PPFIA4: variants seen among roughly 807,000 people sequenced by gnomAD.
The protein encoded by PPFIA4 is liprin-alpha-4.
Under a neutral mutation model 145.7 loss-of-function variants are expected in PPFIA4, and 98 were observed. That is an observed-to-expected ratio of 0.67 (90% CI 0.57 to 0.80). The LOEUF is 0.80. Among genes scored for constraint, PPFIA4 ranks in the 30% least tolerant of loss-of-function variants. PPFIA4 has a pLI of 0.00. For missense variants in PPFIA4, 1,457 were observed against 1,632.7 expected (o/e 0.89, Z 1.85); for synonymous variants, 628 against 649.6 (o/e 0.97, Z 0.51).
Position 203,048,180 on chromosome 1 carries a change from GGAA to G in PPFIA4, c.1141-43_1141-41del. 6.3e-7 allele frequency: 1 copy of G among 1,590,532 alleles called. No individual in the cohort carries two copies. Among genetic ancestry groups the G allele is most frequent in the African/African-American group, 1.3e-5 (1 of 74,542 alleles). The stretch of plus-strand genomic sequence containing the variant: ...GTGCAGGGGATGCGGGGCCTGAGCA[GGAA>G]GAACAGAGATCTGCGGGCTGCACCG... On this transcript the variant is annotated intron_variant, in intron 9 of 29. Transcript: ENST00000295706. The surrounding 1 kb of genome is among the most constrained non-coding windows in gnomAD (Gnocchi z 5.8).
chr1:203,028,858 G>A (rs1247958887), intron 1 of PPFIA4, among the ~76,000 whole-genome samples: 3 of 152,070 alleles, frequency 2.0e-5, no homozygotes, highest in African/African-American at 7.3e-5. Context: ...GTCCCCCTCT[G>A]GCCTGCTAGC....
rs202161204 is a variant in PPFIA4, at chr1:203,075,491, C to CAGCAGCG, written c.3394-84_3394-78dup. ...GGGGTGGGAGTGGTGCCCCTTGAAC[C>CAGCAGCG]AGCAGCGACTGGCCCCCTCCAGGCA... On this transcript the variant is annotated intron_variant, in intron 28 of 29. Coordinates refer to ENST00000295706, the MANE Select transcript of PPFIA4 (RefSeq NM_001304331.2). This position sits in a 1 kb window ranked among gnomAD's most constrained non-coding sequence, Gnocchi z 4.1. 3,495 of 1,176,768 alleles carry CAGCAGCG rather than the reference C, an allele frequency of 3.0e-3. 116 individuals carry two copies. In the Admixed American group the frequency reaches 0.074, roughly 25 times the overall value. The allele number at this position is 1,176,768 out of a possible 1,614,324, so 72.9% of individuals were successfully genotyped here.
At chr1:203,047,769 C>CAAA in intron 9 of PPFIA4, among the ~76,000 whole-genome samples, 1 of 152,208 alleles carries the variant, frequency 6.6e-6, no homozygotes, top group Middle Eastern at 3.4e-3. Flanking sequence ...GTTGTGGAAA[C>CAAA]GAAGGCACAT....
intron 1 of PPFIA4, among the ~76,000 whole-genome samples, chr1:203,028,709 T>G (rs1658610328): frequency 6.7e-6 from 1 of 148,456 alleles, no homozygotes; most frequent in Admixed American, 6.7e-5. Context: ...GGAGGAGAGG[T>G]GAGGAGCAGG....
At chr1:203,026,952 C>G (rs974308883) in intron 1 of PPFIA4, among the ~76,000 whole-genome samples, 1 of 152,232 alleles carries the variant, frequency 6.6e-6, no homozygotes, top group African/African-American at 2.4e-5. Context: ...AGACTGCGCC[C>G]CCATTTCCCC....
intron 2 of PPFIA4, among the ~76,000 whole-genome samples, chr1:203,040,086 C>T (rs1048072942): frequency 2.0e-5 from 3 of 152,216 alleles, no homozygotes; most frequent in Non-Finnish European, 4.4e-5. Flanking sequence ...CAGGAGGGAG[C>T]AGGAGCCTGG....
Position 203,068,349 on chromosome 1 carries a change from G to T in PPFIA4, c.3149-104G>T. 1 of 996,986 alleles carries T rather than the reference G, an allele frequency of 1.0e-6. No homozygotes were observed. Among genetic ancestry groups the T allele is most frequent in the Non-Finnish European group, 1.4e-6 (1 of 701,650 alleles). 61.8% of individuals were successfully genotyped at this position (996,986 alleles called of 1,614,324 possible). On this transcript the variant is annotated intron_variant, in intron 26 of 29. Coordinates refer to ENST00000295706, the MANE Select transcript of PPFIA4 (RefSeq NM_001304331.2). This position sits in a 1 kb window ranked among gnomAD's most constrained non-coding sequence, Gnocchi z 4.7. ...GGATGGAGTGGGGGTCAGAGAGCAG[G>T]GTGGACTGCGGCTCTGGGTTTAGGG...
At chr1:203,051,422 C>A in intron 13 of PPFIA4, 1 of 754,122 alleles carries the variant, frequency 1.3e-6, no homozygotes, top group Non-Finnish European at 1.7e-6. Context: ...TGTCAGATGG[C>A]CGGAGAGCCT....
In PPFIA4 at chr1:203,055,718, C is replaced by G; in HGVS notation, c.2070+46C>G. The G allele has an allele frequency of 6.2e-7, 1 of 1,606,364 alleles. No homozygotes were observed. The highest frequency in any genetic ancestry group is 8.5e-7 in the Non-Finnish European group (1 of 1,174,366). On this transcript the variant is annotated intron_variant, in intron 16 of 29. Transcript: ENST00000295706. The surrounding 1 kb of genome is among the most constrained non-coding windows in gnomAD (Gnocchi z 4.8). Reference sequence around the variant, plus strand: ...AGGCCTGGCATCACTGGACCCTGCACCGGGGGAGGTTTTAAGGGATGGTAG... The same window carrying G: ...AGGCCTGGCATCACTGGACCCTGCAGCGGGGGAGGTTTTAAGGGATGGTAG...
chr1:203,060,068 G>A lies in PPFIA4; in HGVS notation c.2584-149G>A, dbSNP rs1280427579. On this transcript the variant is annotated intron_variant, in intron 21 of 29. Coordinates refer to ENST00000295706, the MANE Select transcript of PPFIA4 (RefSeq NM_001304331.2). The surrounding 1 kb of genome is among the most constrained non-coding windows in gnomAD (Gnocchi z 4.8). The stretch of plus-strand genomic sequence containing the variant: ...TACTTTTAATCTGTAAAATGGGAGA[G>A]TGAGGGGTTTGATGACCGCCACATT... The A allele has an allele frequency of 1.3e-6, 1 of 793,032 alleles. No individual in the cohort carries two copies. The highest frequency in any genetic ancestry group is 1.7e-5 in the South Asian group (1 of 58,856). 49.1% of individuals were successfully genotyped at this position (793,032 alleles called of 1,614,324 possible).
intron 1 of PPFIA4, chr1:203,037,289 C>T (rs1328103345): frequency 1.1e-5 from 2 of 185,040 alleles, no homozygotes; most frequent in Middle Eastern, 5.0e-4. Context: ...TTACCTCACA[C>T]TGGGTCCTGA....
intron 6 of PPFIA4, 68 bp from the exon 7 acceptor site, chr1:203,045,300 T>C: frequency 7.3e-7 from 1 of 1,373,376 alleles, no homozygotes. Flanking sequence ...CTTCCACCCC[T>C]GGGATAGGGG....
intron 24 of PPFIA4, among the ~76,000 whole-genome samples, 172 bp downstream of exon 24, chr1:203,061,850 C>T (rs565601330): frequency 1.3e-5 from 2 of 152,100 alleles, no homozygotes; most frequent in Admixed American, 6.5e-5. Flanking sequence ...CCTCAAACTG[C>T]TTGTTCTGGT....
rs778016489 is a variant in PPFIA4, at chr1:203,045,400, G to A, written c.699G>A (p.Glu233=). 1.3e-5 allele frequency: 21 copies of A among 1,607,346 alleles called. No homozygotes were observed. The highest frequency in any genetic ancestry group is 1.7e-5 in the Admixed American group (1 of 59,250). Residue 233 remains glutamate, a synonymous_variant, in exon 7 of 30, where the codon GAG becomes GAA. Transcript: ENST00000295706. ...EDTGRVEELQ[E]LLEKQNFELS... is the part of the protein sequence containing the mutation. ...CGGGCCGGGTAGAGGAGCTGCAGGAGCTCCTGGAGAAGCAGAACTTTGAGT... is the reference window on the plus strand; with the variant it reads ...CGGGCCGGGTAGAGGAGCTGCAGGAACTCCTGGAGAAGCAGAACTTTGAGT...
rs997738130 is a variant in PPFIA4 at position 203,046,108 on chromosome 1, A to T, written c.1005+121A>T. On this transcript the variant is annotated intron_variant, in intron 8 of 29. Transcript: ENST00000295706. ...CTGCAGGTCACCCTTTGAAAGGGGAAGTCAGGCGTCTCGGGCAGCCAACAA... is the reference window on the plus strand; with the variant it reads ...CTGCAGGTCACCCTTTGAAAGGGGATGTCAGGCGTCTCGGGCAGCCAACAA... 7 of 1,531,380 alleles carry T rather than the reference A, an allele frequency of 4.6e-6. No homozygotes were observed. In the African/African-American group the frequency reaches 8.5e-5, roughly 19 times the overall value. 94.9% of individuals were successfully genotyped at this position (1,531,380 alleles called of 1,614,324 possible).
chr1:203,070,381 G>T (rs1662064932), intron 27 of PPFIA4, among the ~76,000 whole-genome samples: 1 of 152,076 alleles, frequency 6.6e-6, no homozygotes, highest in Non-Finnish European at 1.5e-5. Flanking sequence ...AGGAGTTTAA[G>T]ACCAGCCTGG....
intron 15 of PPFIA4, 148 bp downstream of exon 15, chr1:203,054,109 G>A (rs575130562): frequency 8.0e-5 from 71 of 889,780 alleles, no homozygotes; most frequent in African/African-American, 6.1e-4. Context: ...CATCAGGCCC[G>A]CTGCCAGTGC....
chr1:203,039,336 A>C, intron 2 of PPFIA4, 94 bp downstream of exon 2: 1 of 911,114 alleles, frequency 1.1e-6, no homozygotes, highest in East Asian at 2.8e-5. Context: ...ATCTATTTGC[A>C]TATCAATAAT....
At chr1:203,046,463 G>C in intron 9 of PPFIA4, 81 bp downstream of exon 9, 5 of 1,467,904 alleles carry the variant, frequency 3.4e-6, no homozygotes, top group Non-Finnish European at 1.8e-6. Context: ...AAGGGAGCGC[G>C]TGGGAGGCGC....
Sources: gnomAD v4.1 joint callset for allele counts (sites outside exome capture counted in the v4.1 genomes callset) on GRCh38, gnomAD v4.1.1 for gene constraint, Gnocchi (gnomAD v3.1) non-coding constraint, MANE v1.5 for transcripts, NCBI Gene and HGNC (gene_info 2026-07-23, HGNC 2026-07-21) for gene names.